GRIK4: variants seen among roughly 807,000 people sequenced by gnomAD.
GRIK4 encodes glutamate receptor ionotropic, kainate 4.
In GRIK4, 40 loss-of-function variants were observed where a neutral mutation model predicts 104.9. The observed-to-expected ratio is 0.38, with a 90% confidence interval of 0.30 to 0.50. The LOEUF (loss-of-function observed/expected upper bound fraction) is 0.50, where lower values mean the gene tolerates loss of function less well. GRIK4 is among the 20% of genes least tolerant of loss of function. The pLI is 0.93. For synonymous variants in GRIK4, 485 were observed against 524.9 expected, an observed-to-expected ratio of 0.92 and a Z score of 1.04; for missense variants, 1,047 against 1,308.1, an observed-to-expected ratio of 0.80 and a Z score of 3.08.
At chr11:120,962,367 A>G in intron 17 of GRIK4, 89 bp from the exon 18 acceptor site, 1 of 812,132 alleles carries the variant, frequency 1.2e-6, no homozygotes, top group Non-Finnish European at 2.0e-6. Context: ...AAGGGCCGGC[A>G]TCTTAAGGTG....
chr11:120,540,163 A>G lies in GRIK4; in HGVS notation c.-159+28276A>G, dbSNP rs561721547. Among the ~76,000 whole-genome samples the G allele has an allele frequency of 3.9e-5, 6 of 152,348 alleles. No homozygotes were observed. The South Asian group carries it at 1.0e-3, about 26-fold the overall frequency. ...GCTTCACAGTCCTGGGCAAGCAGCC[A>G]GGTAAGAGGAGGGCAGCTTGGATGT... On this transcript the variant is annotated intron_variant, in intron 1 of 20. Coordinates refer to ENST00000527524, the MANE Select transcript of GRIK4 (RefSeq NM_014619.5).
chr11:120,777,267 C>T (rs1952062384), intron 3 of GRIK4, among the ~76,000 whole-genome samples: 1 of 152,232 alleles, frequency 6.6e-6, no homozygotes, highest in Non-Finnish European at 1.5e-5. Flanking sequence ...ATTCCAGCTA[C>T]ACAAACAGTT....
chr11:120,849,791 T>C (rs1953934151), intron 8 of GRIK4, among the ~76,000 whole-genome samples: 1 of 152,250 alleles, frequency 6.6e-6, no homozygotes. Flanking sequence ...TTGGTTTCTA[T>C]TGTTGTGTGA....
chr11:120,542,933 A>C (rs374331379), intron 1 of GRIK4, among the ~76,000 whole-genome samples: 1 of 152,390 alleles, frequency 6.6e-6, no homozygotes, highest in South Asian at 2.1e-4. Context: ...GGCTCCCAGC[A>C]TATGCTTTTT....
At chr11:120,723,791 T>A (rs1950975616) in intron 3 of GRIK4, among the ~76,000 whole-genome samples, 1 of 109,850 alleles carries the variant, frequency 9.1e-6, no homozygotes, top group Non-Finnish European at 2.2e-5. Flanking sequence ...GGGTAGCACC[T>A]GTTTTTTTTT....
chr11:120,690,484 A>G (rs1950340720), intron 3 of GRIK4, among the ~76,000 whole-genome samples: 1 of 152,226 alleles, frequency 6.6e-6, no homozygotes, highest in African/African-American at 2.4e-5. Context: ...ACACTGCAGC[A>G]AGAACTGGCT....
chr11:120,871,982 C>G (rs1485959351), intron 9 of GRIK4: 1 of 450,252 alleles, frequency 2.2e-6, no homozygotes. Flanking sequence ...CAACATGTAG[C>G]AAAACTGGGT....
rs1951401698 is a variant in GRIK4, at chr11:120,744,431, A to G, written c.83-58262A>G. Among the ~76,000 whole-genome samples the G allele has an allele frequency of 3.9e-5, 6 of 152,296 alleles. 1 individual carries two copies. Among genetic ancestry groups the G allele is most frequent in the Admixed American group, 3.9e-4 (6 of 15,310 alleles). ...ACTTTGGGGTTTTAATTCGTACTAAATAGGCAGGAAGATAGAACTGAAAAG... is the reference window on the plus strand; with the variant it reads ...ACTTTGGGGTTTTAATTCGTACTAAGTAGGCAGGAAGATAGAACTGAAAAG... On this transcript the variant is annotated intron_variant, in intron 3 of 20. Transcript: ENST00000527524.
chr11:120,606,463 G>A (rs1421201228), intron 1 of GRIK4, among the ~76,000 whole-genome samples: 3 of 152,196 alleles, frequency 2.0e-5, no homozygotes, highest in Admixed American at 1.3e-4. Flanking sequence ...TCTAGATTCC[G>A]CATCAGACAG....
At chr11:120,667,919 C>G (rs984964404) in intron 3 of GRIK4, among the ~76,000 whole-genome samples, 1 of 152,188 alleles carries the variant, frequency 6.6e-6, no homozygotes, top group African/African-American at 2.4e-5. Context: ...GAGACTCTAT[C>G]TATCTGAGTA....
rs2136067038 is a variant in GRIK4 at position 120,513,234 on chromosome 11, T to A, written c.-159+1347T>A. On this transcript the variant is annotated intron_variant, in intron 1 of 20. Transcript: ENST00000527524. The surrounding 1 kb of genome is among the most constrained non-coding windows in gnomAD (Gnocchi z 4.5). ...CTGAGCCCTGCCAGGAACAAAGAAC[T>A]ACCTTCACTTTCACTCCCTATGGGT... Among the ~76,000 whole-genome samples the A allele has an allele frequency of 6.6e-6, 1 of 152,270 alleles. No homozygotes were observed. The highest frequency in any genetic ancestry group is 2.4e-5 in the African/African-American group (1 of 41,564).
At chr11:120,836,917 A>G (rs1360366857) in intron 8 of GRIK4, 73 bp downstream of exon 8, 8 of 1,015,130 alleles carry the variant, frequency 7.9e-6, no homozygotes, top group East Asian at 7.2e-5. Context: ...ATTATAAGGG[A>G]AAAAGCCCAG....
intron 3 of GRIK4, among the ~76,000 whole-genome samples, chr11:120,731,196 G>A (rs555752044): frequency 6.6e-6 from 1 of 151,538 alleles, no homozygotes; most frequent in African/African-American, 2.4e-5. Flanking sequence ...TACTAGCTGT[G>A]GGTCTGTCAT....
At chr11:120,634,972 G>A (rs1949379988) in intron 1 of GRIK4, among the ~76,000 whole-genome samples, 1 of 152,194 alleles carries the variant, frequency 6.6e-6, no homozygotes, top group African/African-American at 2.4e-5. Flanking sequence ...TGGCAGCTGG[G>A]GAGCAAAGCC....
At chr11:120,551,326 G>C (rs1468203274) in intron 1 of GRIK4, among the ~76,000 whole-genome samples, 1 of 152,146 alleles carries the variant, frequency 6.6e-6, no homozygotes, top group Non-Finnish European at 1.5e-5. Context: ...CCTGCCCAAG[G>C]CAAGACTCTG....
At chr11:120,607,920 C>A (rs967968882) in intron 1 of GRIK4, among the ~76,000 whole-genome samples, 3 of 152,030 alleles carry the variant, frequency 2.0e-5, no homozygotes, top group Non-Finnish European at 4.4e-5. Context: ...CCCTGGATTC[C>A]AGGGGGTGGT....
chr11:120,591,216 A>G (rs1016419663), intron 1 of GRIK4, among the ~76,000 whole-genome samples: 1 of 151,430 alleles, frequency 6.6e-6, no homozygotes, highest in Non-Finnish European at 1.5e-5. Flanking sequence ...TCCCACAGTC[A>G]AGGGAGGAGA....
intron 1 of GRIK4, among the ~76,000 whole-genome samples, chr11:120,605,114 C>T (rs1157364225): frequency 2.0e-5 from 3 of 152,200 alleles, no homozygotes; most frequent in Admixed American, 1.3e-4. Flanking sequence ...AGATTACAGA[C>T]GTGAGCCAGT....
chr11:120,755,590 A>G (rs1305273382), intron 3 of GRIK4, among the ~76,000 whole-genome samples: 1 of 151,934 alleles, frequency 6.6e-6, no homozygotes, highest in African/African-American at 2.4e-5. Context: ...CCTGGGTGAC[A>G]GAGGCAAGCA....
Sources: gnomAD v4.1 joint callset for allele counts (sites outside exome capture counted in the v4.1 genomes callset) on GRCh38, gnomAD v4.1.1 for gene constraint, Gnocchi (gnomAD v3.1) non-coding constraint, MANE v1.5 for transcripts, NCBI Gene and HGNC (gene_info 2026-07-23, HGNC 2026-07-21) for gene names.